Variants in PAK3 observed in about 807,000 individuals in gnomAD.
PAK3 encodes serine/threonine-protein kinase PAK 3.
In PAK3, 4 loss-of-function variants were observed where a neutral mutation model predicts 41.0. The observed-to-expected ratio is 0.10, with a 90% confidence interval of 0.05 to 0.22. The LOEUF (loss-of-function observed/expected upper bound fraction) is 0.22. PAK3 is among the 10% of genes least tolerant of loss of function. PAK3 has a pLI of 1.00. For synonymous variants in PAK3, 146 were observed against 139.6 expected (o/e 1.05, Z -0.32); for missense variants, 205 against 409.9 (o/e 0.50, Z 4.32).
chrX:111,140,486 G>A (rs148008751), intron 5 of PAK3, among the ~76,000 whole-genome samples: 2,160 of 111,526 alleles, frequency 0.019, 45 homozygotes, highest in African/African-American at 0.062. Flanking sequence ...GTAAAAAATG[G>A]TAGTTGAACA....
chrX:111,028,813 C>G (rs1247762774), intron 1 of PAK3, among the ~76,000 whole-genome samples: 1 of 111,710 alleles, frequency 9.0e-6, no homozygotes, highest in African/African-American at 3.3e-5. Flanking sequence ...TCTGTTGAGA[C>G]CAGGAAGTTC....
chrX:111,133,965 G>A (rs900738574), intron 5 of PAK3, among the ~76,000 whole-genome samples: 19 of 111,897 alleles, frequency 1.7e-4, no homozygotes, highest in African/African-American at 6.2e-4. Flanking sequence ...TTTTCAAGAA[G>A]CTAGAAAGAG....
chrX:111,163,501 T>G lies in PAK3; in HGVS notation c.601-61T>G, dbSNP rs2094215584. On this transcript the variant is annotated intron_variant, in intron 9 of 17. Transcript: ENST00000372007. ...AAAAATTCATTGATATTACAATACA[T>G]TGACTCCACACTCTTTCCTTGGCCT... 3.7e-6 allele frequency: 3 copies of G among 810,906 alleles called. No homozygotes were observed. In the South Asian group the frequency reaches 6.2e-5, roughly 17 times the overall value. 66.8% of individuals were successfully genotyped at this position (810,906 alleles called of 1,213,427 possible). A position where few individuals can be genotyped will look rare whatever the true frequency, so the allele number is the denominator to read the frequency against.
At chrX:110,955,766 G>T (rs1008603288) in intron 1 of PAK3, among the ~76,000 whole-genome samples, 2 of 112,344 alleles carry the variant, frequency 1.8e-5, no homozygotes, top group Non-Finnish European at 3.8e-5. Context: ...CATCTGCAAT[G>T]ATTCTAATTC....
In PAK3 at chrX:110,988,070, A is replaced by G. The variant is rs1029308658; in HGVS notation, c.-28+43442A>G. On this transcript the variant is annotated intron_variant, in intron 1 of 14. Coordinates refer to the PAK3 transcript ENST00000425146. ...AATAATTCTTTTTGATGTTATTTGC[A>G]TCTGTGTGCTGAGAATAACTGTGAT... Among the ~76,000 whole-genome samples the G allele has an allele frequency of 5.2e-4, 59 of 112,952 alleles. 1 individual carries two copies. Among genetic ancestry groups the G allele is most frequent in the Non-Finnish European group, 3.7e-4 (20 of 53,432 alleles).
intron 5 of PAK3, among the ~76,000 whole-genome samples, chrX:111,133,369 C>T (rs926036547): frequency 8.9e-6 from 1 of 111,833 alleles, no homozygotes; most frequent in African/African-American, 3.3e-5. Context: ...TCCAGTAAGC[C>T]CTGACTGTCC....
chrX:110,956,329 G>A (rs920432774), intron 1 of PAK3, among the ~76,000 whole-genome samples: 1 of 111,401 alleles, frequency 9.0e-6, no homozygotes, highest in Admixed American at 9.5e-5. Context: ...GTACACAGAC[G>A]TGCTCAATAA....
chrX:111,067,597 T>C (rs2092711103), intron 1 of PAK3, among the ~76,000 whole-genome samples: 1 of 111,831 alleles, frequency 8.9e-6, no homozygotes, highest in South Asian at 3.7e-4. Context: ...TGGATGGACA[T>C]AAAATTTTGT....
chrX:111,005,092 GC>G (rs1355284479), intron 1 of PAK3, among the ~76,000 whole-genome samples: 1 of 112,114 alleles, frequency 8.9e-6, no homozygotes, highest in Non-Finnish European at 1.9e-5. Context: ...CAACTTTGAA[GC>G]CAAATGATAC....
intron 10 of PAK3, among the ~76,000 whole-genome samples, chrX:111,166,414 C>T (rs1372556430): frequency 9.0e-6 from 1 of 111,396 alleles, no homozygotes; most frequent in Non-Finnish European, 1.9e-5. Context: ...AATGATCCAC[C>T]TCAGCCTCCC....
At chrX:111,093,207 GACCATC>G (rs2092943487), upstream of PAK3, among the ~76,000 whole-genome samples, 1 of 111,680 alleles carries the variant, frequency 9.0e-6, no homozygotes, top group Non-Finnish European at 1.9e-5. Context: ...TGGTTTCCAG[GACCATC>G]TCTGTGAAGC....
At chrX:111,089,690 T>A (rs2148854551) in intron 1 of PAK3, among the ~76,000 whole-genome samples, 1 of 110,841 alleles carries the variant, frequency 9.0e-6, no homozygotes, top group South Asian at 4.0e-4. Flanking sequence ...CAGAGGAAGT[T>A]TGATACGGCT....
At chrX:111,089,414 G>A (rs2092913151) in intron 1 of PAK3, among the ~76,000 whole-genome samples, 2 of 112,072 alleles carry the variant, frequency 1.8e-5, no homozygotes, top group Non-Finnish European at 3.8e-5. Flanking sequence ...TTGTACCAGT[G>A]TTCTCTTTTA....
intron 1 of PAK3, among the ~76,000 whole-genome samples, chrX:111,037,057 G>A (rs760212273): frequency 1.6e-4 from 18 of 111,066 alleles, no homozygotes; most frequent in African/African-American, 4.6e-4. Context: ...TGATTCTCCC[G>A]TCCCAGCCTC....
intron 4 of PAK3, among the ~76,000 whole-genome samples, chrX:111,111,496 A>G (rs901871320): frequency 8.9e-6 from 1 of 111,981 alleles, no homozygotes; most frequent in African/African-American, 3.2e-5. Flanking sequence ...TGAATTTTCT[A>G]TAAAACTTAT....
chrX:111,200,989 G>A (rs768937222), intron 16 of PAK3, among the ~76,000 whole-genome samples: 8 of 112,146 alleles, frequency 7.1e-5, no homozygotes, highest in East Asian at 2.8e-4. Context: ...AGATGCCACC[G>A]CCTGATATCT....
intron 8 of PAK3, among the ~76,000 whole-genome samples, chrX:111,161,472 T>G (rs1271114432): frequency 5.4e-5 from 6 of 110,988 alleles, no homozygotes; most frequent in Non-Finnish European, 9.4e-5. Context: ...TTAGTTTAAT[T>G]AGATCCCATT....
intron 1 of PAK3, among the ~76,000 whole-genome samples, chrX:110,969,094 ATTTTTTTTTT>A (rs60724970): frequency 1.5e-4 from 6 of 40,617 alleles, no homozygotes; most frequent in South Asian, 4.1e-3. Context: ...GACCTGCCTA[ATTTTTTTTTT>A]TTTTTTTTTT....
intron 4 of PAK3, among the ~76,000 whole-genome samples, chrX:111,114,690 G>A (rs2093431751): frequency 9.0e-6 from 1 of 111,527 alleles, no homozygotes; most frequent in Non-Finnish European, 1.9e-5. Context: ...GGCATAATTG[G>A]GAGTACTATG....
Sources: gnomAD v4.1 joint callset for allele counts (sites outside exome capture counted in the v4.1 genomes callset) on GRCh38, gnomAD v4.1.1 for gene constraint, MANE v1.5 for transcripts, NCBI Gene and HGNC (gene_info 2026-07-23, HGNC 2026-07-21) for gene names.